Variants in PRUNE2 observed in about 807,000 individuals in gnomAD.
The protein encoded by PRUNE2 is protein prune homolog 2.
PRUNE2 carries 164 observed loss-of-function variants against 252.0 expected under a neutral mutation model. The ratio of observed to expected loss-of-function variants is 0.65; its 90% CI spans 0.57 to 0.74. The LOEUF is 0.74. PRUNE2 is among the 30% of genes least tolerant of loss of function. The pLI is 0.00. For synonymous variants in PRUNE2, 1,292 were observed against 1,350.2 expected, an observed-to-expected ratio of 0.96 and a Z score of 0.94; for missense variants, 3,495 against 3,711.0, an observed-to-expected ratio of 0.94 and a Z score of 1.51.
intron 1 of PRUNE2, among the ~76,000 whole-genome samples, chr9:76,896,658 C>T (rs2062841805): frequency 6.6e-6 from 1 of 152,080 alleles, no homozygotes; most frequent in Non-Finnish European, 1.5e-5. Context: ...TGAGCATAAT[C>T]AACAGTTTTC....
intron 6 of PRUNE2, among the ~76,000 whole-genome samples, chr9:76,760,508 A>C (rs902214761): frequency 6.6e-6 from 1 of 152,108 alleles, no homozygotes; most frequent in Non-Finnish European, 1.5e-5. Flanking sequence ...CTTGTATCCA[A>C]AACCATTAGA....
chr9:76,845,992 T>C (rs1438610692), intron 4 of PRUNE2, among the ~76,000 whole-genome samples: 1 of 152,056 alleles, frequency 6.6e-6, no homozygotes, highest in Non-Finnish European at 1.5e-5. Context: ...CTTGAAACAG[T>C]TTGAGTGAAG....
intron 7 of PRUNE2, among the ~76,000 whole-genome samples, chr9:76,713,015 A>G (rs895721513): frequency 6.6e-6 from 1 of 152,060 alleles, no homozygotes; most frequent in Non-Finnish European, 1.5e-5. Flanking sequence ...TTCTCATATT[A>G]GTTATTAAGT....
chr9:76,894,716 G>GAAAAAAAAAAAAAAAAAA lies in PRUNE2; in HGVS notation c.36+11211_36+11212insTTTTTTTTTTTTTTTTTT, dbSNP rs1170899729. On this transcript the variant is annotated intron_variant, in intron 1 of 18. Coordinates refer to ENST00000376718, the MANE Select transcript of PRUNE2 (RefSeq NM_015225.3). ...TGCACCCTTTCATTAATTTTCTGCAGCAAAAAAAAAAAAAAAGGACCAGCC... is the reference window on the plus strand; with the variant it reads ...TGCACCCTTTCATTAATTTTCTGCAGAAAAAAAAAAAAAAAAAACAAAAAAAAAAAAAAAGGACCAGCC... Among the ~76,000 whole-genome samples, 99 of 110,648 alleles carry GAAAAAAAAAAAAAAAAAA rather than the reference G, an allele frequency of 8.9e-4. 6 individuals carry two copies. The highest frequency in any genetic ancestry group is 1.1e-3 in the East Asian group (5 of 4,660). The allele number at this position is 110,648 out of a possible 152,430, so 72.6% of individuals were successfully genotyped here.
At chr9:76,620,098 G>A (rs1236812616) in intron 17 of PRUNE2, among the ~76,000 whole-genome samples, 1 of 150,438 alleles carries the variant, frequency 6.6e-6, no homozygotes, top group Non-Finnish European at 1.5e-5. Context: ...ATTAATTCTT[G>A]ATGAATACTC....
intron 12 of PRUNE2, among the ~76,000 whole-genome samples, chr9:76,641,659 C>G (rs1043941756): frequency 8.5e-5 from 13 of 152,156 alleles, no homozygotes; most frequent in African/African-American, 2.7e-4. Context: ...GTTTTTAAAA[C>G]ATTTCTTTCA....
At chr9:76,742,803 T>C (rs2049761005) in intron 6 of PRUNE2, among the ~76,000 whole-genome samples, 1 of 152,224 alleles carries the variant, frequency 6.6e-6, no homozygotes, top group Admixed American at 6.5e-5. Flanking sequence ...ATACCATTTT[T>C]ACTATTATAC....
chr9:76,752,271 G>A (rs1209522205), intron 6 of PRUNE2, among the ~76,000 whole-genome samples: 7 of 152,008 alleles, frequency 4.6e-5, no homozygotes, highest in Non-Finnish European at 1.0e-4. Context: ...CTAATTTTTT[G>A]TATTTTTAGT....
At chr9:76,753,162 T>C (rs573702500) in intron 6 of PRUNE2, among the ~76,000 whole-genome samples, 5 of 152,178 alleles carry the variant, frequency 3.3e-5, no homozygotes, top group Admixed American at 1.3e-4. Context: ...CTTGAGTAGC[T>C]AGGACCACAG....
intron 9 of PRUNE2, among the ~76,000 whole-genome samples, chr9:76,676,758 A>G (rs1347642699): frequency 6.6e-6 from 1 of 152,264 alleles, no homozygotes; most frequent in Non-Finnish European, 1.5e-5. Flanking sequence ...GTTGTTTATC[A>G]GTAGCAATAT....
intron 1 of PRUNE2, among the ~76,000 whole-genome samples, chr9:76,888,590 ATAAC>A (rs1205984290): frequency 7.9e-6 from 1 of 127,188 alleles, no homozygotes. Context: ...AATAATAATA[ATAAC>A]TATTATTATT....
At chr9:76,658,171 C>A (rs1047723530) in intron 9 of PRUNE2, among the ~76,000 whole-genome samples, 2 of 152,172 alleles carry the variant, frequency 1.3e-5, no homozygotes, top group Non-Finnish European at 2.9e-5. Flanking sequence ...ACACCCTGAC[C>A]AAGATGGAGA....
At chr9:76,647,421 T>C (rs1365023786) in intron 11 of PRUNE2, among the ~76,000 whole-genome samples, 3 of 152,164 alleles carry the variant, frequency 2.0e-5, no homozygotes, top group Non-Finnish European at 2.9e-5. Flanking sequence ...AATTCAAAAC[T>C]GTAAAACTTT....
Position 76,711,257 on chromosome 9 carries a change from T to C in PRUNE2, c.1017A>G (p.Ser339=). The C allele has an allele frequency of 6.2e-7, 1 of 1,613,940 alleles. No individual in the cohort carries two copies. The highest frequency in any genetic ancestry group is 1.1e-5 in the South Asian group (1 of 91,072). ...CGAGAACCACCTGATCACAAGTCAC[T>C]GAAGGGTCCTCTTGTTGGTACACCA... ...EILVYQQEDP[S]VTCDQVVLVV... The change falls in exon 8 of 19, where the codon TCA becomes TCG. Residue 339 remains serine, a synonymous_variant. Coordinates refer to ENST00000376718, the MANE Select transcript of PRUNE2 (RefSeq NM_015225.3).
At position 76,685,000 on chromosome 9, in the gene PRUNE2, G is replaced by A. The variant is rs569853469; in HGVS notation, c.8276+18337C>T. ...CTCCTGACCTCAAGTGATCCACCCT[G>A]CTCGGCCTCCCAAAGTGCTGGGATT... is the stretch of plus-strand genomic sequence containing the variant. On this transcript the variant is annotated intron_variant, in intron 9 of 18. Transcript: ENST00000376718. Among the ~76,000 whole-genome samples the A allele has an allele frequency of 2.8e-4, 43 of 151,998 alleles. No homozygotes were observed. The East Asian group carries it at 7.0e-3, about 25-fold the overall frequency.
At chr9:76,653,987 T>C (rs556175414) in intron 10 of PRUNE2, among the ~76,000 whole-genome samples, 25 of 152,278 alleles carry the variant, frequency 1.6e-4, no homozygotes, top group African/African-American at 6.0e-4. Flanking sequence ...ATAAGAAATG[T>C]ATTTGGTCTT....
intron 1 of PRUNE2, among the ~76,000 whole-genome samples, chr9:76,855,111 C>T (rs1324293538): frequency 6.8e-6 from 1 of 146,548 alleles, no homozygotes; most frequent in Non-Finnish European, 1.5e-5. Flanking sequence ...ATAGTCACCC[C>T]TCTGGAAGAG....
At chr9:76,767,210 G>A (rs564622753) in intron 6 of PRUNE2, among the ~76,000 whole-genome samples, 9 of 152,292 alleles carry the variant, frequency 5.9e-5, no homozygotes, top group African/African-American at 2.2e-4. Flanking sequence ...CCAGCACTTT[G>A]GGAGGCCGAG....
At position 76,706,922 on chromosome 9, in the gene PRUNE2, C is replaced by T; in HGVS notation, c.5352G>A (p.Lys1784=). 1.9e-6 allele frequency: 3 copies of T among 1,607,338 alleles called. No homozygotes were observed. The East Asian group carries it at 6.7e-5, about 36-fold the overall frequency. Reference sequence around the variant, plus strand: ...CTGTTTCTGGAGAAGATCTCTTCTCCTTCTCCACTGCTGTAATCTGCATTT... The same window carrying T: ...CTGTTTCTGGAGAAGATCTCTTCTCTTTCTCCACTGCTGTAATCTGCATTT... ...ETEMQITAVE[K]EKRSSPETGT... Residue 1784 remains lysine, a synonymous_variant, in exon 8 of 19, where the codon AAG becomes AAA. Coordinates refer to ENST00000376718, the MANE Select transcript of PRUNE2 (RefSeq NM_015225.3).
Sources: gnomAD v4.1 joint callset for allele counts (sites outside exome capture counted in the v4.1 genomes callset) on GRCh38, gnomAD v4.1.1 for gene constraint, MANE v1.5 for transcripts, NCBI Gene and HGNC (gene_info 2026-07-23, HGNC 2026-07-21) for gene names.